Variants in CSMD1 observed in about 807,000 individuals in gnomAD.
CSMD1 encodes the protein CUB and Sushi multiple domains 1.
CSMD1 carries 213 observed loss-of-function variants against 417.5 expected under a neutral mutation model. The observed-to-expected ratio is 0.51, with a 90% CI of 0.46 to 0.57. The LOEUF is 0.57. CSMD1 is among the 20% of genes least tolerant of loss of function. The pLI, the probability that CSMD1 is intolerant of heterozygous loss-of-function variation, is 0.00. For synonymous variants in CSMD1, 2,862 were observed against 1,736.8 expected (o/e 1.65, Z -16.11); for missense variants, 6,923 against 4,529.7 (o/e 1.53, Z -15.17).
chr8:3,718,025 G>T (rs1049075710), intron 6 of CSMD1, among the ~76,000 whole-genome samples: 1 of 152,212 alleles, frequency 6.6e-6, no homozygotes, highest in East Asian at 1.9e-4. Context: ...AAGCCTCTCT[G>T]CCCACATTGT....
intron 11 of CSMD1, among the ~76,000 whole-genome samples, chr8:3,482,432 A>C (rs566300598): frequency 6.6e-6 from 1 of 152,336 alleles, no homozygotes; most frequent in African/African-American, 2.4e-5. Context: ...AAAGAGGGAC[A>C]CCACAAAATA....
intron 3 of CSMD1, among the ~76,000 whole-genome samples, chr8:4,325,791 C>T (rs917426242): frequency 1.3e-5 from 2 of 152,072 alleles, no homozygotes; most frequent in Admixed American, 6.6e-5. Context: ...TAAATGCTGG[C>T]CCATTTAAAA....
intron 3 of CSMD1, among the ~76,000 whole-genome samples, chr8:4,156,151 G>C (rs766576365): frequency 2.6e-5 from 4 of 152,174 alleles, no homozygotes; most frequent in Non-Finnish European, 4.4e-5. Flanking sequence ...ACACCACCCA[G>C]AGGCAATTCG....
At chr8:3,384,273 C>A (rs1243812115) in intron 18 of CSMD1, among the ~76,000 whole-genome samples, 1 of 152,062 alleles carries the variant, frequency 6.6e-6, no homozygotes, top group Non-Finnish European at 1.5e-5. Flanking sequence ...ATCTTTATAT[C>A]TTCAATCAAT....
intron 2 of CSMD1, among the ~76,000 whole-genome samples, chr8:4,597,721 TG>T (rs1356084431): frequency 6.6e-6 from 1 of 152,142 alleles, no homozygotes; most frequent in East Asian, 1.9e-4. Flanking sequence ...TTATATCACA[TG>T]AAAAACTGTA....
intron 2 of CSMD1, among the ~76,000 whole-genome samples, chr8:4,463,915 G>T (rs891824964): frequency 6.6e-6 from 1 of 152,074 alleles, no homozygotes; most frequent in African/African-American, 2.4e-5. Context: ...ATATAGCTCT[G>T]ATTAAAAGAA....
chr8:4,707,580 A>G (rs1808020343), intron 1 of CSMD1, among the ~76,000 whole-genome samples: 1 of 152,092 alleles, frequency 6.6e-6, no homozygotes, highest in Non-Finnish European at 1.5e-5. Flanking sequence ...TTTTTACTGC[A>G]AACGAGCAAC....
intron 5 of CSMD1, among the ~76,000 whole-genome samples, chr8:3,801,274 C>T (rs1255525013): frequency 2.0e-5 from 3 of 151,828 alleles, no homozygotes; most frequent in African/African-American, 7.3e-5. Flanking sequence ...ACCACAAAAA[C>T]CCTAACAATT....
At chr8:3,537,863 G>A (rs538363927) in intron 10 of CSMD1, among the ~76,000 whole-genome samples, 8 of 152,256 alleles carry the variant, frequency 5.3e-5, no homozygotes, top group African/African-American at 1.9e-4. Context: ...ATTAATTCAG[G>A]AGCCTCTTCT....
At chr8:4,187,463 G>C (rs926061417) in intron 3 of CSMD1, among the ~76,000 whole-genome samples, 2 of 152,082 alleles carry the variant, frequency 1.3e-5, no homozygotes, top group African/African-American at 2.4e-5. Context: ...GATCAACATG[G>C]TGAAACCCCG....
At chr8:4,428,496 G>A (rs1205865727) in intron 2 of CSMD1, among the ~76,000 whole-genome samples, 2 of 152,184 alleles carry the variant, frequency 1.3e-5, no homozygotes, top group South Asian at 2.1e-4. Flanking sequence ...TGGCATATGT[G>A]TATCTCTCTC....
At chr8:4,223,391 G>A (rs1714733) in intron 3 of CSMD1, among the ~76,000 whole-genome samples, 152,211 of 152,394 alleles carry the variant, frequency 1, 76,014 homozygotes, top group Non-Finnish European at 1. Context: ...TTCAGCTGCC[G>A]CCAAGGTAAG....
At chr8:4,025,827 T>C (rs1446656583) in intron 4 of CSMD1, among the ~76,000 whole-genome samples, 1 of 152,188 alleles carries the variant, frequency 6.6e-6, no homozygotes, top group Non-Finnish European at 1.5e-5. Context: ...CTGTTAATTA[T>C]TTTCTATTAA....
intron 22 of CSMD1, 64 bp downstream of exon 22, chr8:3,347,927 AG>A (rs1808120662): frequency 8.8e-7 from 1 of 1,131,714 alleles, no homozygotes; most frequent in Non-Finnish European, 1.2e-6. Flanking sequence ...GTAGAAAAAT[AG>A]ATAGACAATG....
chr8:4,498,326 C>T (rs778841329), intron 2 of CSMD1, among the ~76,000 whole-genome samples: 2 of 152,100 alleles, frequency 1.3e-5, no homozygotes, highest in South Asian at 2.1e-4. Context: ...ACTATTTAGA[C>T]ACACACACGT....
intron 1 of CSMD1, among the ~76,000 whole-genome samples, chr8:4,796,974 C>A (rs993333032): frequency 7.9e-5 from 12 of 152,078 alleles, no homozygotes; most frequent in Non-Finnish European, 1.6e-4. Flanking sequence ...GGTCATCAGG[C>A]CTTTGTAATG....
At chr8:4,046,457 G>A (rs891427292) in intron 3 of CSMD1, among the ~76,000 whole-genome samples, 1 of 152,138 alleles carries the variant, frequency 6.6e-6, no homozygotes, top group Non-Finnish European at 1.5e-5. Context: ...CACATAAACA[G>A]CTCAAGCTTC....
At chr8:4,665,754 C>T (rs1458027656) in intron 1 of CSMD1, among the ~76,000 whole-genome samples, 1 of 152,102 alleles carries the variant, frequency 6.6e-6, no homozygotes, top group Non-Finnish European at 1.5e-5. Flanking sequence ...ATGTGGTTAC[C>T]ATTTGCATAT....
intron 65 of CSMD1, among the ~76,000 whole-genome samples, chr8:2,953,189 C>A (rs1802752721): frequency 1.3e-5 from 2 of 152,050 alleles, no homozygotes; most frequent in African/African-American, 4.8e-5. Context: ...ATAAAGAGCA[C>A]TGACTTCTGT....
Sources: gnomAD v4.1 joint callset for allele counts (sites outside exome capture counted in the v4.1 genomes callset) on GRCh38, gnomAD v4.1.1 for gene constraint, MANE v1.5 for transcripts, NCBI Gene and HGNC (gene_info 2026-07-23, HGNC 2026-07-21) for gene names.